SNX29: variants seen among roughly 807,000 people sequenced by gnomAD.
SNX29 encodes the protein sorting nexin-29.
SNX29 carries 78 observed loss-of-function variants against 102.1 expected under a neutral mutation model. That is an observed-to-expected ratio of 0.76 (90% confidence interval 0.64 to 0.92). The LOEUF (loss-of-function observed/expected upper bound fraction) is 0.92. Ranked by LOEUF, SNX29 falls within the 40% of genes least tolerant of loss-of-function variation. SNX29 has a pLI of 0.00. For missense variants in SNX29, 1,280 were observed against 1,061.7 expected, an observed-to-expected ratio of 1.21 and a Z score of -2.86; for synonymous variants, 580 against 414.5, an observed-to-expected ratio of 1.40 and a Z score of -4.85.
chr16:12,540,988 T>G (rs1186955760), intron 20 of SNX29, among the ~76,000 whole-genome samples: 2 of 152,056 alleles, frequency 1.3e-5, no homozygotes, highest in African/African-American at 4.8e-5. Flanking sequence ...AGGGGAAAAA[T>G]GGTGAGCTCA....
chr16:12,450,725 T>C (rs1177587980), intron 18 of SNX29, among the ~76,000 whole-genome samples: 1 of 152,190 alleles, frequency 6.6e-6, no homozygotes, highest in Non-Finnish European at 1.5e-5. Flanking sequence ...GCTTGGGCAT[T>C]GACCCAGAGA....
chr16:12,345,222 A>T (rs936851202), intron 15 of SNX29, among the ~76,000 whole-genome samples: 78 of 152,158 alleles, frequency 5.1e-4, no homozygotes, highest in Admixed American at 3.9e-4. Flanking sequence ...AGTGCATGCT[A>T]CACCTTCTTC....
chr16:12,304,204 C>G (rs1459477404), intron 15 of SNX29, among the ~76,000 whole-genome samples: 2 of 147,234 alleles, frequency 1.4e-5, no homozygotes, highest in South Asian at 4.2e-4. Flanking sequence ...GCCTTGACTT[C>G]TAAGAAGCTT....
In SNX29 at chr16:12,524,832, C is replaced by G; in HGVS notation, c.2309C>G (p.Pro770Arg). 6.2e-7 allele frequency: 1 copy of G among 1,613,446 alleles called. No homozygotes were observed. Among genetic ancestry groups the G allele is most frequent in the Admixed American group, 1.7e-5 (1 of 59,934 alleles). ...AAGGAGACCCTCATCCAGCTGATGC[C>G]CTTCTTCGTGTAAGTACTGCTCCCA... ...PKKETLIQLM[P>R]FFVDITPPGE... Residue 770 changes from proline (P) to arginine (R), a missense_variant, in exon 20 of 21, where the codon CCC becomes CGC. Transcript: ENST00000566228.
chr16:12,554,146 C>A (rs532300914), intron 20 of SNX29, among the ~76,000 whole-genome samples: 1 of 152,314 alleles, frequency 6.6e-6, no homozygotes, highest in Admixed American at 6.5e-5. Context: ...TTGCTCTTTA[C>A]TGTGTTTAAG....
chr16:12,338,879 C>T (rs184120931), intron 15 of SNX29, among the ~76,000 whole-genome samples: 17 of 152,268 alleles, frequency 1.1e-4, no homozygotes, highest in Admixed American at 3.9e-4. Flanking sequence ...CAACATATGG[C>T]CCAAAATCAT....
intron 20 of SNX29, among the ~76,000 whole-genome samples, chr16:12,552,735 T>A (rs1357396057): frequency 6.6e-6 from 1 of 152,232 alleles, no homozygotes; most frequent in African/African-American, 2.4e-5. Flanking sequence ...ACATGGTATC[T>A]CCAGTGAAAT....
At chr16:12,019,638 T>A (rs1012075719) in intron 3 of SNX29, among the ~76,000 whole-genome samples, 15 of 135,804 alleles carry the variant, frequency 1.1e-4, no homozygotes, top group African/African-American at 3.5e-4. Context: ...AGATATATAA[T>A]TTTTTTTTTT....
intron 18 of SNX29, among the ~76,000 whole-genome samples, chr16:12,407,680 A>G (rs1450043872): frequency 3.3e-5 from 5 of 152,210 alleles, no homozygotes; most frequent in Admixed American, 6.5e-5. Flanking sequence ...CTCTTACCCC[A>G]TTTTATAGGT....
chr16:12,506,974 T>A (rs973254675), intron 19 of SNX29, among the ~76,000 whole-genome samples: 1 of 152,228 alleles, frequency 6.6e-6, no homozygotes, highest in Admixed American at 6.5e-5. Context: ...GCAAAGACCA[T>A]GTCTTGTATG....
intron 11 of SNX29, among the ~76,000 whole-genome samples, chr16:12,108,464 G>T (rs2053360043): frequency 6.6e-6 from 1 of 152,214 alleles, no homozygotes; most frequent in African/African-American, 2.4e-5. Flanking sequence ...GCTGGTTCTG[G>T]CTCCAGACTT....
At chr16:12,228,615 T>C (rs956480738) in intron 14 of SNX29, among the ~76,000 whole-genome samples, 1 of 152,250 alleles carries the variant, frequency 6.6e-6, no homozygotes, top group Non-Finnish European at 1.5e-5. Context: ...TACCATGACT[T>C]GCAAAACCCT....
chr16:12,106,445 G>T (rs1487381475), intron 11 of SNX29, among the ~76,000 whole-genome samples: 1 of 151,828 alleles, frequency 6.6e-6, no homozygotes. Flanking sequence ...CGGAGATAAG[G>T]CCCCCTCCTC....
intron 18 of SNX29, among the ~76,000 whole-genome samples, chr16:12,470,710 A>G (rs1477169641): frequency 1.3e-5 from 2 of 152,198 alleles, no homozygotes; most frequent in African/African-American, 4.8e-5. Context: ...CCGCCTGCCT[A>G]GCATTTGACA....
intron 20 of SNX29, among the ~76,000 whole-genome samples, chr16:12,555,732 C>G (rs1182663408): frequency 6.6e-6 from 1 of 152,050 alleles, no homozygotes; most frequent in Non-Finnish European, 1.5e-5. Flanking sequence ...TTTCACTTTT[C>G]CTTCCACCTC....
chr16:12,314,573 T>C (rs1312031995), intron 15 of SNX29, among the ~76,000 whole-genome samples: 1 of 152,268 alleles, frequency 6.6e-6, no homozygotes, highest in Admixed American at 6.5e-5. Context: ...ATGAATAGGC[T>C]GGAATGGATC....
At chr16:12,264,627 C>T (rs1310527509) in intron 14 of SNX29, among the ~76,000 whole-genome samples, 1 of 152,112 alleles carries the variant, frequency 6.6e-6, no homozygotes, top group Non-Finnish European at 1.5e-5. Flanking sequence ...ACTGAAAATA[C>T]AAAAATTAGC....
At chr16:12,262,128 G>A (rs992640687) in intron 14 of SNX29, among the ~76,000 whole-genome samples, 1 of 150,700 alleles carries the variant, frequency 6.6e-6, no homozygotes, top group Non-Finnish European at 1.5e-5. Context: ...TGGTCTGTGC[G>A]CGCGTCCCCA....
At chr16:12,139,740 C>G (rs1432487061) in intron 13 of SNX29, among the ~76,000 whole-genome samples, 2 of 151,952 alleles carry the variant, frequency 1.3e-5, no homozygotes, top group East Asian at 3.9e-4. Flanking sequence ...TAATCCCAGT[C>G]CTTTGGGAGG....
Sources: gnomAD v4.1 joint callset for allele counts (sites outside exome capture counted in the v4.1 genomes callset) on GRCh38, gnomAD v4.1.1 for gene constraint, MANE v1.5 for transcripts, NCBI Gene and HGNC (gene_info 2026-07-23, HGNC 2026-07-21) for gene names.